The following NFKB1 variants were observed in gnomAD, a reference collection of about 807,000 sequenced individuals.
The protein encoded by NFKB1 is nuclear factor NF-kappa-B p105 subunit.
A neutral mutation model predicts 105.1 loss-of-function variants in NFKB1; 9 were observed. The observed-to-expected ratio is 0.09, with a 90% CI of 0.05 to 0.15. NFKB1 has a LOEUF of 0.15. Among genes scored for constraint, NFKB1 ranks in the 10% least tolerant of loss-of-function variants. NFKB1 has a pLI of 1.00. For missense variants in NFKB1, 830 were observed against 1,203.7 expected (o/e 0.69, Z 4.59); for synonymous variants, 440 against 442.2 (o/e 1.00, Z 0.06).
At chr4:102,544,486 T>C (rs1373855916) in intron 5 of NFKB1, among the ~76,000 whole-genome samples, 1 of 152,128 alleles carries the variant, frequency 6.6e-6, no homozygotes, top group Non-Finnish European at 1.5e-5. Flanking sequence ...AGCTCACCAT[T>C]AGTGATTGAA....
At chr4:102,601,399 C>T (rs1435755359) in intron 16 of NFKB1, among the ~76,000 whole-genome samples, 4 of 152,208 alleles carry the variant, frequency 2.6e-5, no homozygotes, top group Non-Finnish European at 5.9e-5. Context: ...TGAAACATAC[C>T]TTGACAACAT....
intron 6 of NFKB1, among the ~76,000 whole-genome samples, chr4:102,570,849 G>A (rs1724278789): frequency 6.6e-6 from 1 of 152,142 alleles, no homozygotes; most frequent in African/African-American, 2.4e-5. Flanking sequence ...CAAACTAATG[G>A]AAGAACATTC....
At chr4:102,543,141 A>G (rs1263409847) in intron 5 of NFKB1, among the ~76,000 whole-genome samples, 1 of 152,100 alleles carries the variant, frequency 6.6e-6, no homozygotes, top group African/African-American at 2.4e-5. Context: ...GGGAAGGCTC[A>G]CTTCCCTATT....
In NFKB1 at chr4:102,616,707, A is replaced by C. The variant is rs1228671459; in HGVS notation, c.*113A>C. 7.4e-6 allele frequency: 8 copies of C among 1,081,246 alleles called. 1 individual carries two copies. Among genetic ancestry groups the C allele is most frequent in the African/African-American group, 1.6e-5 (1 of 63,310 alleles). 67.0% of individuals were successfully genotyped at this position (1,081,246 alleles called of 1,614,324 possible). ...GGTGCTCAGAGAGCCGGCCCGCCTG[A>C]ATCATTCTCGATTTAACTCGAGACC... is the stretch of plus-strand genomic sequence containing the variant. On this transcript the variant is annotated 3_prime_UTR_variant, in exon 24 of 24. Transcript: ENST00000226574.
intron 15 of NFKB1, among the ~76,000 whole-genome samples, chr4:102,598,527 A>T (rs4648077): frequency 6.6e-6 from 1 of 152,176 alleles, no homozygotes; most frequent in Non-Finnish European, 1.5e-5. Context: ...TCAAGCAGAG[A>T]CACCTTTGTT....
intron 1 of NFKB1, among the ~76,000 whole-genome samples, chr4:102,518,543 C>T (rs1740354305): frequency 6.6e-6 from 1 of 151,952 alleles, no homozygotes. Context: ...TGCCTATTTG[C>T]CTTCCTACTT....
At chr4:102,531,540 G>C (rs1324877868) in intron 3 of NFKB1, among the ~76,000 whole-genome samples, 1 of 152,044 alleles carries the variant, frequency 6.6e-6, no homozygotes, top group Non-Finnish European at 1.5e-5. Flanking sequence ...AAAACCTTTA[G>C]TAGATCTAGT....
intron 1 of NFKB1, among the ~76,000 whole-genome samples, chr4:102,513,969 C>G (rs1456476705): frequency 1.3e-5 from 2 of 151,786 alleles, no homozygotes; most frequent in Non-Finnish European, 2.9e-5. Context: ...GTCAGGAGAT[C>G]GAGACCATCC....
At chr4:102,593,670 T>C in intron 12 of NFKB1, 102 bp downstream of exon 12, 2 of 1,043,264 alleles carry the variant, frequency 1.9e-6, no homozygotes, top group Non-Finnish European at 1.3e-6. Flanking sequence ...GTGGCTATGA[T>C]ATTATTGAGT....
chr4:102,596,187 T>C lies in NFKB1; in HGVS notation c.1350T>C (p.Ser450=), dbSNP rs1404499106. The change falls in exon 14 of 24, where the codon AGT becomes AGC. Residue 450 remains serine (S), a synonymous_variant. Coordinates refer to ENST00000226574, the MANE Select transcript of NFKB1 (RefSeq NM_003998.4). ...SKKDPEGCDK[S]DDKNTVNLFG... ...AGGACCCTGAAGGTTGTGACAAAAG[T>C]GATGACAAAAACACTGTAAACCTCT... 1 of 1,612,474 alleles carries C rather than the reference T, an allele frequency of 6.2e-7. No individual in the cohort carries two copies. The highest frequency in any genetic ancestry group is 1.7e-5 in the Admixed American group (1 of 59,940).
At chr4:102,516,950 A>G (rs1294832874) in intron 1 of NFKB1, among the ~76,000 whole-genome samples, 2 of 152,188 alleles carry the variant, frequency 1.3e-5, no homozygotes, top group Non-Finnish European at 1.5e-5. Flanking sequence ...ATGTTCAGTG[A>G]TGTCTTTCCA....
chr4:102,595,685 G>A (rs1212565158), intron 13 of NFKB1, among the ~76,000 whole-genome samples: 2 of 152,196 alleles, frequency 1.3e-5, no homozygotes, highest in African/African-American at 4.8e-5. Flanking sequence ...CATAGTATCT[G>A]TCAGATAACA....
intron 5 of NFKB1, among the ~76,000 whole-genome samples, chr4:102,541,745 G>T (rs1348632164): frequency 6.6e-6 from 1 of 152,114 alleles, no homozygotes; most frequent in African/African-American, 2.4e-5. Context: ...GGAAAGAAAT[G>T]ATACTTCTGA....
At chr4:102,560,042 CA>C (rs1285073381) in intron 5 of NFKB1, among the ~76,000 whole-genome samples, 6 of 150,970 alleles carry the variant, frequency 4.0e-5, no homozygotes, top group Non-Finnish European at 7.4e-5. Context: ...ACACAACTGG[CA>C]AAAAAAAGTG....
intron 2 of NFKB1, among the ~76,000 whole-genome samples, chr4:102,525,977 T>C (rs538577067): frequency 6.6e-6 from 1 of 152,268 alleles, no homozygotes; most frequent in Non-Finnish European, 1.5e-5. Context: ...TAGCTTCTGG[T>C]TGGTTGCTGG....
intron 1 of NFKB1, among the ~76,000 whole-genome samples, chr4:102,502,376 GC>G: frequency 4.4e-5 from 2 of 45,950 alleles, no homozygotes; most frequent in Non-Finnish European, 7.6e-5. Flanking sequence ...CCCCCTCCGT[GC>G]GCGCGCGCGC....
At chr4:102,573,342 C>A (rs371587458) in intron 6 of NFKB1, among the ~76,000 whole-genome samples, 1 of 152,256 alleles carries the variant, frequency 6.6e-6, no homozygotes, top group African/African-American at 2.4e-5. Context: ...CAGTATTATT[C>A]TTTCACATCC....
chr4:102,524,398 A>G (rs1740765114), intron 1 of NFKB1, among the ~76,000 whole-genome samples: 1 of 152,140 alleles, frequency 6.6e-6, no homozygotes, highest in Admixed American at 6.5e-5. Context: ...TTAATATTAC[A>G]GAGTTTCTGT....
chr4:102,601,743 C>T (rs1483172113), intron 16 of NFKB1, among the ~76,000 whole-genome samples: 1 of 152,198 alleles, frequency 6.6e-6, no homozygotes, highest in Non-Finnish European at 1.5e-5. Context: ...AGAGCTTGGA[C>T]GTTGGTGATG....
Sources: allele counts gnomAD v4.1 joint callset (sites outside exome capture counted in the v4.1 genomes callset), GRCh38; gene constraint gnomAD v4.1.1; transcripts MANE v1.5; gene names NCBI Gene and HGNC (gene_info 2026-07-23, HGNC 2026-07-21).